Variants in TAFA4 observed in about 807,000 individuals in gnomAD.
TAFA4 encodes the protein chemokine-like protein TAFA-4.
A neutral mutation model predicts 21.1 loss-of-function variants in TAFA4; 20 were observed. The observed-to-expected ratio is 0.95, with a 90% confidence interval of 0.67 to 1.38. TAFA4 has a LOEUF of 1.38. TAFA4 is among the 40% of genes most tolerant of loss of function. The pLI, the probability that TAFA4 is intolerant of heterozygous loss-of-function variation, is 0.00. For synonymous variants in TAFA4, 71 were observed against 67.4 expected (o/e 1.05, Z -0.26); for missense variants, 211 against 180.9 (o/e 1.17, Z -0.95).
chr3:68,812,545 C>A (rs1053704953), intron 3 of TAFA4, among the ~76,000 whole-genome samples: 3 of 152,092 alleles, frequency 2.0e-5, no homozygotes, highest in African/African-American at 4.8e-5. Context: ...ATAAAACAGA[C>A]TTTAAACCAA....
chr3:68,798,500 A>C (rs569452644), intron 3 of TAFA4, among the ~76,000 whole-genome samples: 1 of 152,306 alleles, frequency 6.6e-6, no homozygotes, highest in East Asian at 1.9e-4. Flanking sequence ...CTTAATTTTT[A>C]TAAGAGGGAT....
At chr3:68,811,745 A>T (rs1214072245) in intron 3 of TAFA4, among the ~76,000 whole-genome samples, 1 of 152,262 alleles carries the variant, frequency 6.6e-6, no homozygotes, top group African/African-American at 2.4e-5. Context: ...GTTGGAAAAC[A>T]TTCTGCAGGA....
chr3:68,769,699 TTG>T (rs1702917923), intron 3 of TAFA4, among the ~76,000 whole-genome samples: 1 of 152,218 alleles, frequency 6.6e-6, no homozygotes. Context: ...TGTACAATTA[TTG>T]TGTGTTAGTA....
chr3:68,754,450 G>A (rs1702621096), intron 3 of TAFA4, among the ~76,000 whole-genome samples: 1 of 152,106 alleles, frequency 6.6e-6, no homozygotes, highest in African/African-American at 2.4e-5. Context: ...TTGGATTTGT[G>A]TGATGCTTCC....
chr3:68,890,947 C>T (rs2089724229), intron 1 of TAFA4, among the ~76,000 whole-genome samples: 1 of 152,148 alleles, frequency 6.6e-6, no homozygotes, highest in Non-Finnish European at 1.5e-5. Flanking sequence ...CTCTGAAAAG[C>T]TAGTGAAAAA....
chr3:68,806,827 CATGCTAGA>C lies in TAFA4; in HGVS notation c.131-53817_131-53810del, dbSNP rs547505250. Reference sequence around the variant, plus strand: ...TGCAGTCTGCCACCTAAAATCTGACCATGCTAGAACCTAATCTTGGCTTCCAGGCTCCA... The same window carrying C: ...TGCAGTCTGCCACCTAAAATCTGACCACCTAATCTTGGCTTCCAGGCTCCA... On this transcript the variant is annotated intron_variant, in intron 3 of 5. Transcript: ENST00000295569. Among the ~76,000 whole-genome samples, 458 of 152,218 alleles carry C rather than the reference CATGCTAGA, an allele frequency of 3.0e-3. 1 individual carries two copies. Among genetic ancestry groups the C allele is most frequent in the African/African-American group, 0.011 (438 of 41,526 alleles).
chr3:68,904,322 G>T (rs1575666035), intron 1 of TAFA4, among the ~76,000 whole-genome samples: 1 of 152,262 alleles, frequency 6.6e-6, no homozygotes, highest in East Asian at 1.9e-4. Context: ...TCTTTAAGAA[G>T]GAAACCGGGA....
chr3:68,902,663 C>G (rs1559558409), intron 1 of TAFA4, among the ~76,000 whole-genome samples: 2 of 152,130 alleles, frequency 1.3e-5, no homozygotes, highest in Non-Finnish European at 2.9e-5. Context: ...CCACTGTGTC[C>G]AGCCTCATTC....
intron 3 of TAFA4, among the ~76,000 whole-genome samples, chr3:68,861,756 C>G (rs536021940): frequency 1.3e-5 from 2 of 152,084 alleles, no homozygotes; most frequent in African/African-American, 2.4e-5. Flanking sequence ...ACTCCACAAG[C>G]AGGGAGAAAA....
chr3:68,931,915 C>T (rs1480637845), intron 1 of TAFA4, among the ~76,000 whole-genome samples: 1 of 152,170 alleles, frequency 6.6e-6, no homozygotes, highest in African/African-American at 2.4e-5. Flanking sequence ...ACCAATTCAT[C>T]GAGTGGCCTC....
intron 3 of TAFA4, among the ~76,000 whole-genome samples, chr3:68,763,468 CTG>C (rs1167861080): frequency 6.6e-6 from 1 of 152,156 alleles, no homozygotes; most frequent in East Asian, 1.9e-4. Flanking sequence ...TTGGAACACT[CTG>C]TCTTTGTGAG....
rs151290964 is a variant in TAFA4, at chr3:68,915,142, A to C, written c.-123+17098T>G. 2.8e-4 allele frequency among the ~76,000 whole-genome samples: 42 copies of C among 152,234 alleles called. No homozygotes were observed. The East Asian group carries it at 7.6e-3, about 27-fold the overall frequency. On this transcript the variant is annotated intron_variant, in intron 1 of 5. Coordinates refer to ENST00000295569, the MANE Select transcript of TAFA4 (RefSeq NM_182522.5). ...TCCCATGAAGTCACCTCCCTGTTCTAATTCTTTCGTACTAAGAGGCTATTC... is the reference window on the plus strand; with the variant it reads ...TCCCATGAAGTCACCTCCCTGTTCTCATTCTTTCGTACTAAGAGGCTATTC...
intron 3 of TAFA4, among the ~76,000 whole-genome samples, chr3:68,789,393 A>T (rs892284496): frequency 2.0e-5 from 3 of 152,104 alleles, no homozygotes; most frequent in Non-Finnish European, 4.4e-5. Context: ...AAAGTTTGCT[A>T]AGAGAGTAGA....
At chr3:68,747,316 T>C (rs941869606) in intron 4 of TAFA4, among the ~76,000 whole-genome samples, 7 of 152,122 alleles carry the variant, frequency 4.6e-5, no homozygotes, top group African/African-American at 1.4e-4. Context: ...TCATCTTGAA[T>C]TGTAGCTCAT....
intron 3 of TAFA4, among the ~76,000 whole-genome samples, chr3:68,866,465 C>A (rs2089419632): frequency 6.6e-6 from 1 of 151,634 alleles, no homozygotes; most frequent in Non-Finnish European, 1.5e-5. Flanking sequence ...CCAAAACAAG[C>A]CAGGGAGCAA....
intron 1 of TAFA4, among the ~76,000 whole-genome samples, chr3:68,894,785 C>A (rs2089769827): frequency 6.6e-6 from 1 of 152,158 alleles, no homozygotes; most frequent in Non-Finnish European, 1.5e-5. Context: ...GAAGAGGCAA[C>A]AGCACAGAAC....
At chr3:68,865,346 C>T (rs2089401843) in intron 3 of TAFA4, among the ~76,000 whole-genome samples, 1 of 152,042 alleles carries the variant, frequency 6.6e-6, no homozygotes, top group Non-Finnish European at 1.5e-5. Context: ...CAAATCTCAT[C>T]CTGAATTGTA....
chr3:68,744,662 G>T (rs573349498), intron 4 of TAFA4, among the ~76,000 whole-genome samples: 1 of 152,028 alleles, frequency 6.6e-6, no homozygotes, highest in African/African-American at 2.4e-5. Context: ...GCTGGAGGGG[G>T]AAATAAAAAT....
intron 3 of TAFA4, among the ~76,000 whole-genome samples, chr3:68,851,411 G>C (rs9841343): frequency 6.6e-6 from 1 of 151,842 alleles, no homozygotes; most frequent in African/African-American, 2.4e-5. Context: ...CCTAGGTGAT[G>C]GGTTGATAGG....
Sources: gnomAD v4.1 joint callset for allele counts (sites outside exome capture counted in the v4.1 genomes callset) on GRCh38, gnomAD v4.1.1 for gene constraint, MANE v1.5 for transcripts, NCBI Gene and HGNC (gene_info 2026-07-23, HGNC 2026-07-21) for gene names.